Variants in ATP1A1 observed in about 807,000 individuals in gnomAD.
ATP1A1 encodes the protein sodium/potassium-transporting ATPase subunit alpha-1.
In ATP1A1, 14 loss-of-function variants were observed where a neutral mutation model predicts 114.8. That is an observed-to-expected ratio of 0.12 (90% CI 0.08 to 0.19). The LOEUF (loss-of-function observed/expected upper bound fraction) is 0.19. Among genes scored for constraint, ATP1A1 ranks in the 10% least tolerant of loss-of-function variants. The probability of loss-of-function intolerance (pLI) is 1.00; values close to 1 mark genes in which losing one functional copy is unlikely to be tolerated. For synonymous variants in ATP1A1, 471 were observed against 466.3 expected (o/e 1.01, Z -0.13); for missense variants, 524 against 1,290.7 (o/e 0.41, Z 9.10).
Position 116,388,894 on chromosome 1 carries a change from A to G in ATP1A1, c.637-8A>G. On this transcript the variant is annotated splice_region_variant and splice_polypyrimidine_tract_variant and intron_variant, in intron 6 of 22. Coordinates refer to ENST00000295598, the MANE Select transcript of ATP1A1 (RefSeq NM_000701.8). This position sits in a 1 kb window ranked among gnomAD's most constrained non-coding sequence, Gnocchi z 5.6. Reference sequence around the variant, plus strand: ...ACATGACATTTTTCTTCTTTTCCTCACATATAGGTGGATAACTCCTCGCTC... The same window carrying G: ...ACATGACATTTTTCTTCTTTTCCTCGCATATAGGTGGATAACTCCTCGCTC... 6.2e-7 allele frequency: 1 copy of G among 1,613,566 alleles called. No homozygotes were observed. Among genetic ancestry groups the G allele is most frequent in the South Asian group, 1.1e-5 (1 of 90,980 alleles).
At position 116,384,597 on chromosome 1, in the gene ATP1A1, G is replaced by A. The variant is rs951516139; in HGVS notation, c.124-186G>A. Reference sequence around the variant, plus strand: ...TTTAGCCATTCTCCAGTGAAGAGCTGTCAATGATAACTGTGTGGTTGCAAA... The same window carrying A: ...TTTAGCCATTCTCCAGTGAAGAGCTATCAATGATAACTGTGTGGTTGCAAA... On this transcript the variant is annotated intron_variant, in intron 2 of 22. Transcript: ENST00000295598. The surrounding 1 kb of genome is among the most constrained non-coding windows in gnomAD (Gnocchi z 5.1). Among the ~76,000 whole-genome samples, 3 of 152,202 alleles carry A rather than the reference G, an allele frequency of 2.0e-5. No homozygotes were observed. Among genetic ancestry groups the A allele is most frequent in the Admixed American group, 2.0e-4 (3 of 15,280 alleles).
intron 1 of ATP1A1, among the ~76,000 whole-genome samples, chr1:116,375,071 C>T (rs1275763702): frequency 1.3e-5 from 2 of 152,212 alleles, no homozygotes; most frequent in Non-Finnish European, 2.9e-5. Context: ...CCGTCAAACC[C>T]TTGATCATTT....
chr1:116,397,874 T>G lies in ATP1A1; in HGVS notation c.1974-14T>G, dbSNP rs527773306. 1.0e-5 allele frequency: 16 copies of G among 1,577,556 alleles called. No homozygotes were observed. The highest frequency in any genetic ancestry group is 1.7e-4 in the Middle Eastern group (1 of 5,854). On this transcript the variant is annotated splice_polypyrimidine_tract_variant and intron_variant, in intron 14 of 22. Transcript: ENST00000295598. This position sits in a 1 kb window ranked among gnomAD's most constrained non-coding sequence, Gnocchi z 4.2. Reference sequence around the variant, plus strand: ...TGATGCGTGACTTTTTTTTTTTTTTTGTCCTAATTCTAGGGATGCCAAGGC... The same window carrying G: ...TGATGCGTGACTTTTTTTTTTTTTTGGTCCTAATTCTAGGGATGCCAAGGC...
rs1010605509 is a variant in ATP1A1, at chr1:116,404,581, C to G, written c.*137C>G. ...CACCGCAGCATGTGGGGAAGCAAGA[C>G]GTCCTGGAATGAAGCATGTAGCTCT... is the stretch of plus-strand genomic sequence containing the variant. On this transcript the variant is annotated 3_prime_UTR_variant, in exon 23 of 23. Transcript: ENST00000295598. This position sits in a 1 kb window ranked among gnomAD's most constrained non-coding sequence, Gnocchi z 4.8. The G allele has an allele frequency of 1.4e-6, 2 of 1,395,398 alleles. No homozygotes were observed. The highest frequency in any genetic ancestry group is 1.9e-6 in the Non-Finnish European group (2 of 1,076,390). The allele number at this position is 1,395,398 out of a possible 1,614,324, so 86.4% of individuals were successfully genotyped here. A position where few individuals can be genotyped will look rare whatever the true frequency, so the allele number is the denominator to read the frequency against.
In ATP1A1 at chr1:116,384,116, G is replaced by A; in HGVS notation, c.115G>A (p.Val39Ile). ...GGACATGGATGAACTGAAGAAAGAA[G>A]TTTCTATGGTAAGTACTAGGAGGAA... ...DRDMDELKKE[V>I]SMDDHKLSLD... Residue 39 changes from valine (V) to isoleucine (I), a missense_variant, in exon 2 of 23, where the codon GTT (valine) becomes ATT (isoleucine). Val to Ile is a conservative substitution (Grantham distance 29). Coordinates refer to ENST00000295598, the MANE Select transcript of ATP1A1 (RefSeq NM_000701.8). The surrounding 1 kb of genome is among the most constrained non-coding windows in gnomAD (Gnocchi z 5.1). The A allele has an allele frequency of 6.2e-7, 1 of 1,612,952 alleles. No homozygotes were observed. Among genetic ancestry groups the A allele is most frequent in the Non-Finnish European group, 8.5e-7 (1 of 1,179,022 alleles).
At chr1:116,383,972 G>A in intron 1 of ATP1A1, 42 bp from the exon 2 acceptor site, 1 of 1,542,148 alleles carries the variant, frequency 6.5e-7, no homozygotes, top group Non-Finnish European at 8.9e-7. Flanking sequence ...TTCAGATGAG[G>A]TTCATAATTC....
chr1:116,394,722 G>A (rs966953070), intron 12 of ATP1A1, among the ~76,000 whole-genome samples: 2 of 152,310 alleles, frequency 1.3e-5, no homozygotes, highest in South Asian at 2.1e-4. Flanking sequence ...TGGCCTTGAT[G>A]TTTCCAGAGA....
intron 1 of ATP1A1, chr1:116,374,050 G>C: frequency 7.1e-7 from 1 of 1,402,238 alleles, no homozygotes. Context: ...TTCCCGCCGC[G>C]GCCCCGGTTC....
Position 116,374,910 on chromosome 1 carries a change from A to G in ATP1A1, c.12+1387A>G, listed in dbSNP as rs555338025. 7.2e-5 allele frequency among the ~76,000 whole-genome samples: 11 copies of G among 152,268 alleles called. No homozygotes were observed. The East Asian group carries it at 2.1e-3, about 29-fold the overall frequency. On this transcript the variant is annotated intron_variant, in intron 1 of 22. Transcript: ENST00000295598. ...GAAAGGCTTGGACCTGGTGGGGAGAACAGGCACAAGTGGAAATGCACAACT... is the reference window on the plus strand; with the variant it reads ...GAAAGGCTTGGACCTGGTGGGGAGAGCAGGCACAAGTGGAAATGCACAACT...
intron 21 of ATP1A1, among the ~76,000 whole-genome samples, chr1:116,403,582 A>G (rs533310376): frequency 1.3e-5 from 2 of 152,368 alleles, no homozygotes; most frequent in East Asian, 3.9e-4. Context: ...GGTTAACAGA[A>G]AAGTACTCTG....
At position 116,401,293 on chromosome 1, in the gene ATP1A1, T is replaced by C; in HGVS notation, c.2849+33T>C. The C allele has an allele frequency of 6.2e-7, 1 of 1,612,758 alleles. No homozygotes were observed. Among genetic ancestry groups the C allele is most frequent in the Non-Finnish European group, 8.5e-7 (1 of 1,178,840 alleles). The stretch of plus-strand genomic sequence containing the variant: ...ATGAAGGACATGTCAAGGCCTTGGC[T>C]CAAAGAAGGGGACTGGTGATTTGTA... On this transcript the variant is annotated intron_variant, in intron 20 of 22. Coordinates refer to ENST00000295598, the MANE Select transcript of ATP1A1 (RefSeq NM_000701.8). The surrounding 1 kb of genome is among the most constrained non-coding windows in gnomAD (Gnocchi z 4.7).
chr1:116,380,086 G>A (rs1174891468), intron 1 of ATP1A1, among the ~76,000 whole-genome samples: 2 of 152,160 alleles, frequency 1.3e-5, no homozygotes, highest in African/African-American at 4.8e-5. Flanking sequence ...TTATTTTTCA[G>A]AGTTAATGGT....
At position 116,387,613 on chromosome 1, in the gene ATP1A1, G is replaced by A; in HGVS notation, c.387+122G>A. ...ATGGTTATGAACTCATTACTTAATG[G>A]TTATGAACAGCTGTTGCCTTCAAGG... On this transcript the variant is annotated intron_variant, in intron 4 of 22. Transcript: ENST00000295598. The surrounding 1 kb of genome is among the most constrained non-coding windows in gnomAD (Gnocchi z 6.7). 1 of 1,095,390 alleles carries A rather than the reference G, an allele frequency of 9.1e-7. No individual in the cohort carries two copies. Among genetic ancestry groups the A allele is most frequent in the Non-Finnish European group, 1.3e-6 (1 of 769,898 alleles). 67.9% of individuals were successfully genotyped at this position (1,095,390 alleles called of 1,614,324 possible). A position where few individuals can be genotyped will look rare whatever the true frequency, so the allele number is the denominator to read the frequency against.
intron 1 of ATP1A1, among the ~76,000 whole-genome samples, chr1:116,374,426 C>T (rs563449572): frequency 1.3e-5 from 2 of 152,254 alleles, no homozygotes; most frequent in Admixed American, 6.5e-5. Flanking sequence ...GGACTGGAGG[C>T]TGCAGGCAAT....
chr1:116,376,057 C>T (rs761679830), intron 1 of ATP1A1, among the ~76,000 whole-genome samples: 1 of 152,048 alleles, frequency 6.6e-6, no homozygotes, highest in Non-Finnish European at 1.5e-5. Flanking sequence ...GTCAGCTAGG[C>T]CTACCACCGG....
In ATP1A1 at chr1:116,387,237, C is replaced by A; in HGVS notation, c.184-51C>A. On this transcript the variant is annotated intron_variant, in intron 3 of 22. Coordinates refer to ENST00000295598, the MANE Select transcript of ATP1A1 (RefSeq NM_000701.8). The surrounding 1 kb of genome is among the most constrained non-coding windows in gnomAD (Gnocchi z 6.7). Reference sequence around the variant, plus strand: ...GTCCAGCTACCAGGTAGGTATATTGCCTTGTAAGTGCTGGTACAGTTTGCC... The same window carrying A: ...GTCCAGCTACCAGGTAGGTATATTGACTTGTAAGTGCTGGTACAGTTTGCC... The A allele has an allele frequency of 6.2e-7, 1 of 1,603,188 alleles. No individual in the cohort carries two copies. The highest frequency in any genetic ancestry group is 1.1e-5 in the South Asian group (1 of 90,540).
At chr1:116,383,358 A>G in intron 1 of ATP1A1, 2 of 1,053,092 alleles carry the variant, frequency 1.9e-6, no homozygotes, top group Non-Finnish European at 2.3e-6. Context: ...AGCACTAAAG[A>G]TATTTAAATT....
chr1:116,404,312 C>A lies in ATP1A1; in HGVS notation c.3044-104C>A. ...CATGTTTGGATTTTAACACACCCGA[C>A]CCCCATCATCCTCCGGTTGGTTTTC... On this transcript the variant is annotated intron_variant, in intron 22 of 22. Coordinates refer to ENST00000295598, the MANE Select transcript of ATP1A1 (RefSeq NM_000701.8). The surrounding 1 kb of genome is among the most constrained non-coding windows in gnomAD (Gnocchi z 4.8). 7.1e-7 allele frequency: 1 copy of A among 1,410,398 alleles called. No homozygotes were observed. The highest frequency in any genetic ancestry group is 1.2e-5 in the South Asian group (1 of 84,312). The allele number at this position is 1,410,398 out of a possible 1,614,324, so 87.4% of individuals were successfully genotyped here. A position where few individuals can be genotyped will look rare whatever the true frequency, so the allele number is the denominator to read the frequency against.
intron 14 of ATP1A1, 24 bp downstream of exon 14, chr1:116,396,758 A>G: frequency 1.3e-6 from 2 of 1,549,492 alleles, no homozygotes; most frequent in South Asian, 1.2e-5. Flanking sequence ...CTCAAATCAC[A>G]GTCTGCTGTG....
Sources: gnomAD v4.1 joint callset for allele counts (sites outside exome capture counted in the v4.1 genomes callset) on GRCh38, gnomAD v4.1.1 for gene constraint, Gnocchi (gnomAD v3.1) non-coding constraint, MANE v1.5 for transcripts, NCBI Gene and HGNC (gene_info 2026-07-23, HGNC 2026-07-21) for gene names.